The following SOBP variants were observed in gnomAD, a reference collection of about 807,000 sequenced individuals.
The protein encoded by SOBP is sine oculis binding protein homolog.
Under a neutral mutation model 53.6 loss-of-function variants are expected in SOBP, and 4 were observed. The ratio of observed to expected loss-of-function variants is 0.07; its 90% CI spans 0.04 to 0.17. SOBP has a LOEUF of 0.17. Among genes scored for constraint, SOBP ranks in the 10% least tolerant of loss-of-function variants. SOBP has a pLI of 1.00. For missense variants in SOBP, 1,088 were observed against 1,204.7 expected, an observed-to-expected ratio of 0.90 and a Z score of 1.43; for synonymous variants, 584 against 522.6, an observed-to-expected ratio of 1.12 and a Z score of -1.60.
intron 5 of SOBP, among the ~76,000 whole-genome samples, chr6:107,606,649 TCCCC>T (rs1583265305): frequency 1.3e-5 from 2 of 152,218 alleles, no homozygotes; most frequent in East Asian, 3.9e-4. Context: ...TATTGTTTAA[TCCCC>T]GGAAGGAAAA....
chr6:107,535,481 C>A (rs1258112612), intron 4 of SOBP, among the ~76,000 whole-genome samples: 2 of 152,154 alleles, frequency 1.3e-5, no homozygotes, highest in Non-Finnish European at 2.9e-5. Context: ...CTGGAAGTTG[C>A]AGCAGTTTGG....
chr6:107,583,187 A>G (rs979157175), intron 4 of SOBP, among the ~76,000 whole-genome samples: 1 of 152,232 alleles, frequency 6.6e-6, no homozygotes, highest in Admixed American at 6.5e-5. Flanking sequence ...AGTTCTGTGA[A>G]TGATCCAACT....
intron 1 of SOBP, among the ~76,000 whole-genome samples, chr6:107,498,207 G>C (rs1782747555): frequency 6.6e-6 from 1 of 152,182 alleles, no homozygotes; most frequent in Non-Finnish European, 1.5e-5. Context: ...TACTAGAACT[G>C]GGACTTGCAG....
intron 4 of SOBP, among the ~76,000 whole-genome samples, chr6:107,548,011 A>T (rs531062967): frequency 6.6e-6 from 1 of 152,196 alleles, no homozygotes; most frequent in African/African-American, 2.4e-5. Context: ...CAGTCCCATG[A>T]TTTAGTTTGA....
chr6:107,612,982 A>G (rs542120281), intron 5 of SOBP, among the ~76,000 whole-genome samples: 1 of 152,312 alleles, frequency 6.6e-6, no homozygotes, highest in African/African-American at 2.4e-5. Flanking sequence ...TTGTTTATCC[A>G]TTCATCTGTT....
chr6:107,540,306 A>C (rs535090146), intron 4 of SOBP, among the ~76,000 whole-genome samples: 3 of 152,364 alleles, frequency 2.0e-5, no homozygotes, highest in Non-Finnish European at 4.4e-5. Context: ...ACATAAACAG[A>C]AGTGTGAACT....
intron 5 of SOBP, among the ~76,000 whole-genome samples, chr6:107,596,777 G>A (rs539535472): frequency 1.1e-4 from 16 of 152,254 alleles, no homozygotes; most frequent in African/African-American, 3.9e-4. Context: ...ACAAGCTATA[G>A]ATTTCATTAG....
chr6:107,579,479 T>C (rs1253625931), intron 4 of SOBP, among the ~76,000 whole-genome samples: 4 of 152,078 alleles, frequency 2.6e-5, no homozygotes, highest in Non-Finnish European at 4.4e-5. Flanking sequence ...AAGCAACTGC[T>C]CTGATTATTC....
intron 6 of SOBP, among the ~76,000 whole-genome samples, chr6:107,637,187 G>T (rs531777834): frequency 6.6e-6 from 1 of 152,180 alleles, no homozygotes; most frequent in Admixed American, 6.5e-5. Flanking sequence ...GCACCAACAA[G>T]CCTAAATTAC....
intron 5 of SOBP, among the ~76,000 whole-genome samples, chr6:107,589,900 G>A (rs1290041909): frequency 6.6e-6 from 1 of 152,150 alleles, no homozygotes; most frequent in East Asian, 1.9e-4. Flanking sequence ...CTAAGTTTAT[G>A]ACTAAAGAAA....
chr6:107,650,035 C>T (rs1430822764), intron 6 of SOBP, among the ~76,000 whole-genome samples: 1 of 152,004 alleles, frequency 6.6e-6, no homozygotes, highest in Non-Finnish European at 1.5e-5. Context: ...AGAGTTATCC[C>T]AGTAGGGAGT....
At chr6:107,596,230 A>G (rs1299488180) in intron 5 of SOBP, among the ~76,000 whole-genome samples, 2 of 152,044 alleles carry the variant, frequency 1.3e-5, no homozygotes, top group Non-Finnish European at 2.9e-5. Flanking sequence ...AATGGGAGTC[A>G]TATATTACAA....
chr6:107,521,335 A>G lies in SOBP; in HGVS notation c.422-12124A>G, dbSNP rs374945576. On this transcript the variant is annotated intron_variant, in intron 3 of 6. Transcript: ENST00000317357. Reference sequence around the variant, plus strand: ...GCATTTCACTTGGTAATAATTCCTTAATAATAAGGAATGATGAGATTTTTA... The same window carrying G: ...GCATTTCACTTGGTAATAATTCCTTGATAATAAGGAATGATGAGATTTTTA... Among the ~76,000 whole-genome samples, 13 of 152,192 alleles carry G rather than the reference A, an allele frequency of 8.5e-5. No individual in the cohort carries two copies. The East Asian group carries it at 2.5e-3, about 29-fold the overall frequency.
At chr6:107,606,880 A>G (rs1370466006) in intron 5 of SOBP, among the ~76,000 whole-genome samples, 1 of 152,212 alleles carries the variant, frequency 6.6e-6, no homozygotes, top group African/African-American at 2.4e-5. Context: ...AACTGCCTAT[A>G]GTGATGTCCA....
intron 4 of SOBP, among the ~76,000 whole-genome samples, chr6:107,569,411 T>C (rs1785006882): frequency 6.6e-6 from 1 of 152,180 alleles, no homozygotes; most frequent in Non-Finnish European, 1.5e-5. Flanking sequence ...ATAGTGCATG[T>C]GGAAGGGAAG....
intron 4 of SOBP, among the ~76,000 whole-genome samples, chr6:107,559,407 A>G (rs577442444): frequency 9.9e-5 from 15 of 152,230 alleles, no homozygotes; most frequent in Non-Finnish European, 2.1e-4. Context: ...CAATATACAC[A>G]TCCTTTAGTA....
Position 107,634,311 on chromosome 6 carries a change from C to T in SOBP, c.1467C>T (p.Pro489=). ...PPPGAPLPSL[P]FPPVSMMPNG... is the part of the protein sequence containing the mutation. ...CGGGCGCCCCGCTGCCGAGTCTTCC[C>T]TTCCCGCCAGTGAGCATGATGCCAA... is the stretch of plus-strand genomic sequence containing the variant. Residue 489 remains proline, a synonymous_variant, in exon 6 of 7, where the codon CCC becomes CCT. Transcript: ENST00000317357. This position sits in a 1 kb window ranked among gnomAD's most constrained non-coding sequence, Gnocchi z 4.5. The T allele has an allele frequency of 6.3e-7, 1 of 1,575,068 alleles. No homozygotes were observed. The highest frequency in any genetic ancestry group is 8.6e-7 in the Non-Finnish European group (1 of 1,167,450).
intron 5 of SOBP, among the ~76,000 whole-genome samples, chr6:107,608,438 G>T (rs1786471012): frequency 1.3e-5 from 2 of 152,018 alleles, no homozygotes; most frequent in Admixed American, 1.3e-4. Flanking sequence ...TAGTTGCGTG[G>T]TATTAGAATG....
At chr6:107,518,456 C>T (rs1178681153) in intron 3 of SOBP, among the ~76,000 whole-genome samples, 1 of 152,116 alleles carries the variant, frequency 6.6e-6, no homozygotes, top group Admixed American at 6.5e-5. Flanking sequence ...GCTGAACATA[C>T]ACATATGCAA....
Sources: gnomAD v4.1 joint callset for allele counts (sites outside exome capture counted in the v4.1 genomes callset) on GRCh38, gnomAD v4.1.1 for gene constraint, Gnocchi (gnomAD v3.1) non-coding constraint, MANE v1.5 for transcripts, NCBI Gene and HGNC (gene_info 2026-07-23, HGNC 2026-07-21) for gene names.